The following LAMB1 variants were observed in gnomAD, a reference collection of about 807,000 sequenced individuals.
The protein encoded by LAMB1 is laminin subunit beta 1.
Under a neutral mutation model 222.3 loss-of-function variants are expected in LAMB1, and 121 were observed. That is an observed-to-expected ratio of 0.54 (90% CI 0.47 to 0.63). The LOEUF (loss-of-function observed/expected upper bound fraction) is 0.63, where lower values mean the gene tolerates loss of function less well. Ranked by LOEUF, LAMB1 falls within the 30% of genes least tolerant of loss-of-function variation. The pLI, the probability that LAMB1 is intolerant of heterozygous loss-of-function variation, is 0.00. For synonymous variants in LAMB1, 794 were observed against 807.2 expected, an observed-to-expected ratio of 0.98 and a Z score of 0.28; for missense variants, 2,172 against 2,240.8, an observed-to-expected ratio of 0.97 and a Z score of 0.62.
intron 5 of LAMB1, among the ~76,000 whole-genome samples, chr7:107,990,281 C>T (rs905390783): frequency 2.0e-5 from 3 of 152,038 alleles, no homozygotes; most frequent in Non-Finnish European, 2.9e-5. Context: ...CTCAAGCGAT[C>T]CCCCCACCTC....
At chr7:107,962,725 A>AT (rs2033535825) in intron 15 of LAMB1, among the ~76,000 whole-genome samples, 180 bp downstream of exon 15, 2 of 149,148 alleles carry the variant, frequency 1.3e-5, no homozygotes, top group Non-Finnish European at 3.0e-5. Context: ...AAAAAAAAAA[A>AT]GAAAGAAAGA....
At chr7:107,924,146 CAA>C in intron 33 of LAMB1, 59 bp from the exon 34 acceptor site, 2 of 1,523,962 alleles carry the variant, frequency 1.3e-6, no homozygotes, top group Non-Finnish European at 1.8e-6. Context: ...GATCTCAAGA[CAA>C]AGTGAATATA....
chr7:107,975,397 T>G lies in LAMB1; in HGVS notation c.1206A>C (p.Pro402=). The change falls in exon 11 of 34, where the codon CCA becomes CCC. Residue 402 remains proline, a synonymous_variant. Transcript: ENST00000222399. ...AAATTCCCTCATTTTGAGAGCCAGC[T>G]GGGTCACACGTACATCCTGAGAAGA... ...PNFCERCTCD[P]AGSQNEGICD... 1 of 1,613,020 alleles carries G rather than the reference T, an allele frequency of 6.2e-7. No individual in the cohort carries two copies. The highest frequency in any genetic ancestry group is 1.1e-5 in the South Asian group (1 of 90,718).
Position 107,963,041 on chromosome 7 carries a change from T to C in LAMB1, c.1721A>G (p.Gln574Arg), listed in dbSNP as rs775047487. Residue 574 changes from glutamine (Q) to arginine (R), a missense_variant, in exon 15 of 34, where the codon CAA (glutamine) becomes CGA (arginine). Physicochemically the swap from Gln to Arg is conservative, Grantham distance 43. Coordinates refer to ENST00000222399, the MANE Select transcript of LAMB1 (RefSeq NM_002291.3). ...GGAGGGAATCCGGTCCTGGATATAT[T>C]GCCGCTCCACTATGCTAACCCCCTG... ...LGPGVSIVERQYIQDRIPSWT... is the reference protein window; with the variant it reads ...LGPGVSIVERRYIQDRIPSWT... 6.2e-7 allele frequency: 1 copy of C among 1,613,712 alleles called. No individual in the cohort carries two copies. Among genetic ancestry groups the C allele is most frequent in the Non-Finnish European group, 8.5e-7 (1 of 1,179,742 alleles).
chr7:107,931,834 T>C, intron 28 of LAMB1: 3 of 474,448 alleles, frequency 6.3e-6, no homozygotes, highest in South Asian at 5.2e-5. Context: ...GAAGAATAAA[T>C]GCTCAATTGC....
intron 13 of LAMB1, among the ~76,000 whole-genome samples, chr7:107,968,821 A>G (rs1346483882): frequency 1.3e-5 from 2 of 152,248 alleles, no homozygotes; most frequent in Non-Finnish European, 2.9e-5. Context: ...ATGCAGCCCT[A>G]CCAACATCGT....
intron 15 of LAMB1, among the ~76,000 whole-genome samples, chr7:107,962,337 A>C (rs1379212949): frequency 2.0e-5 from 3 of 152,204 alleles, no homozygotes; most frequent in Non-Finnish European, 4.4e-5. Flanking sequence ...AGGATCTCAT[A>C]CATCCTCATC....
chr7:107,926,250 G>A lies in LAMB1; in HGVS notation c.4997C>T (p.Ser1666Phe), dbSNP rs770556444. ...EELKRKAAQNSGEAEYIEKVV... is the reference protein window; with the variant it reads ...EELKRKAAQNFGEAEYIEKVV... ...TTTTTCAATATATTCTGCCTCCCCGGAGTTTTGGGCAGCTTTCCGCTTAAG... is the reference window on the plus strand; with the variant it reads ...TTTTTCAATATATTCTGCCTCCCCGAAGTTTTGGGCAGCTTTCCGCTTAAG... The change falls in exon 32 of 34, where the codon TCC (serine) becomes TTC (phenylalanine). Residue 1666 changes from serine to phenylalanine, a missense_variant. Coordinates refer to ENST00000222399, the MANE Select transcript of LAMB1 (RefSeq NM_002291.3). 3 of 1,613,984 alleles carry A rather than the reference G, an allele frequency of 1.9e-6. No homozygotes were observed. The South Asian group carries it at 3.3e-5, about 18-fold the overall frequency.
At chr7:107,994,312 T>C (rs1010500468) in intron 5 of LAMB1, among the ~76,000 whole-genome samples, 3 of 152,174 alleles carry the variant, frequency 2.0e-5, no homozygotes, top group Non-Finnish European at 2.9e-5. Context: ...TAAGAAGGCA[T>C]TACACATTTC....
In LAMB1 at chr7:107,976,878, TCTTG is replaced by T. The variant is rs1482229543; in HGVS notation, c.1001-1005_1001-1002del. ...TCCTCTCCTTCCTTCCTTCCTTTCC[TCTTG>T]CTCCTTCCTTCCTTTCCTCTTGCTC... On this transcript the variant is annotated intron_variant, in intron 9 of 33. Coordinates refer to ENST00000222399, the MANE Select transcript of LAMB1 (RefSeq NM_002291.3). Among the ~76,000 whole-genome samples the T allele has an allele frequency of 1.3e-3, 70 of 53,708 alleles. 10 individuals carry two copies. The highest frequency in any genetic ancestry group is 4.8e-3 in the African/African-American group (57 of 11,770). 35.2% of individuals were successfully genotyped at this position (53,708 alleles called of 152,430 possible).
At chr7:107,951,799 G>T (rs1324452137) in intron 23 of LAMB1, among the ~76,000 whole-genome samples, 2 of 152,160 alleles carry the variant, frequency 1.3e-5, no homozygotes, top group Non-Finnish European at 2.9e-5. Flanking sequence ...TCTGCAGCTG[G>T]GACCCTCTAC....
rs2032816386 is a variant in LAMB1 at position 107,935,343 on chromosome 7, C to CTTTTTTTTTTT, written c.4188+71_4188+72insAAAAAAAAAAA. 5.8e-6 allele frequency: 8 copies of CTTTTTTTTTTT among 1,371,966 alleles called. No individual in the cohort carries two copies. The African/African-American group carries it at 1.9e-4, about 33-fold the overall frequency. 85.0% of individuals were successfully genotyped at this position (1,371,966 alleles called of 1,614,324 possible). ...TAATGACAAAAGATGGTTTGTTTTT[C>CTTTTTTTTTTT]TTTGTTTTTTTTTTTTTTTTTTTTT... is the stretch of plus-strand genomic sequence containing the variant. On this transcript the variant is annotated intron_variant, in intron 27 of 33. Transcript: ENST00000222399.
chr7:107,969,677 A>G (rs1022095050), intron 13 of LAMB1, among the ~76,000 whole-genome samples: 2 of 152,230 alleles, frequency 1.3e-5, no homozygotes, highest in African/African-American at 2.4e-5. Flanking sequence ...TAGATGGTAT[A>G]GCTTACTACA....
chr7:107,976,904 G>C (rs12705428), intron 9 of LAMB1, among the ~76,000 whole-genome samples: 988 of 20,600 alleles, frequency 0.048, 71 homozygotes, highest in African/African-American at 0.082. Flanking sequence ...CTTTCCTCTT[G>C]CTCCTTCCTT....
At chr7:107,979,126 G>A (rs892542204) in intron 8 of LAMB1, among the ~76,000 whole-genome samples, 2 of 152,310 alleles carry the variant, frequency 1.3e-5, no homozygotes, top group East Asian at 1.9e-4. Flanking sequence ...TGTGAGACCC[G>A]TGATAGTAAC....
intron 29 of LAMB1, chr7:107,930,106 G>A (rs2032668790): frequency 6.4e-6 from 1 of 155,888 alleles, no homozygotes. Flanking sequence ...ATGCAGATAT[G>A]GAGATTTGAT....
intron 13 of LAMB1, 140 bp downstream of exon 13, chr7:107,972,852 A>C: frequency 1.5e-6 from 1 of 678,124 alleles, no homozygotes; most frequent in South Asian, 1.7e-5. Flanking sequence ...TAGTCCATAG[A>C]GGTACCTACA....
Position 107,961,667 on chromosome 7 carries a change from G to T in LAMB1, c.1867C>A (p.His623Asn). The part of the protein sequence containing the change: ...LIRYEPQLPD[H>N]WEKAVITVQR... ...ACTGTGATGACAGCTTTTTCCCAGTGGTCGGGTAGCTAGAATAAGAAACAA... is the reference window on the plus strand; with the variant it reads ...ACTGTGATGACAGCTTTTTCCCAGTTGTCGGGTAGCTAGAATAAGAAACAA... The change falls in exon 16 of 34, where the codon CAC becomes AAC. Residue 623 changes from histidine to asparagine, a missense_variant. Coordinates refer to ENST00000222399, the MANE Select transcript of LAMB1 (RefSeq NM_002291.3). The T allele has an allele frequency of 6.2e-7, 1 of 1,613,200 alleles. No individual in the cohort carries two copies. The highest frequency in any genetic ancestry group is 8.5e-7 in the Non-Finnish European group (1 of 1,179,236).
intron 3 of LAMB1, among the ~76,000 whole-genome samples, chr7:107,999,552 A>G (rs75026817): frequency 0.012 from 1,837 of 152,258 alleles, 31 homozygotes; most frequent in East Asian, 0.04. Context: ...AAGGATTTGG[A>G]GACTGGCAAG....
Sources: allele counts gnomAD v4.1 joint callset (sites outside exome capture counted in the v4.1 genomes callset), GRCh38; gene constraint gnomAD v4.1.1; transcripts MANE v1.5; gene names NCBI Gene and HGNC (gene_info 2026-07-23, HGNC 2026-07-21).